ZNF721: variants seen among roughly 807,000 people sequenced by gnomAD.
ZNF721 encodes zinc finger protein 721.
In ZNF721, 2 loss-of-function variants were observed where a neutral mutation model predicts 2.4. The ratio of observed to expected loss-of-function variants is 0.82; its 90% CI spans 0.34 to 2.58. The LOEUF is 2.58. ZNF721 is among the 30% of genes most tolerant of loss of function. The pLI is 0.11. For synonymous variants in ZNF721, 398 were observed against 381.8 expected (o/e 1.04, Z -0.50); for missense variants, 1,187 against 1,085.5 (o/e 1.09, Z -1.31).
At chr4:446,885 T>A (rs1714493602) in intron 2 of ZNF721, among the ~76,000 whole-genome samples, 1 of 151,346 alleles carries the variant, frequency 6.6e-6, no homozygotes, top group African/African-American at 2.4e-5. Flanking sequence ...AAGATGGGGT[T>A]TCAACATGTT....
chr4:441,221 C>T lies in ZNF721; in HGVS notation c.*474G>A, dbSNP rs529362910. 197 of 156,502 alleles carry T rather than the reference C, an allele frequency of 1.3e-3. 2 individuals carry two copies. The highest frequency in any genetic ancestry group is 3.7e-3 in the Admixed American group (59 of 16,008). The allele number at this position is 156,502 out of a possible 1,614,324, so 9.7% of individuals were successfully genotyped here. On this transcript the variant is annotated 3_prime_UTR_variant, in exon 3 of 3. Coordinates refer to ENST00000511833, the MANE Select transcript of ZNF721 (RefSeq NM_133474.4). The stretch of plus-strand genomic sequence containing the variant: ...CTATATTTTCTAAAAGGTCTTTCAA[C>T]AGAAATTACATTTATAATGCTTTTA...
rs186091133 is a variant in ZNF721, at chr4:442,244, G to A, written c.2223C>T (p.Asn741=). 2.6e-4 allele frequency: 422 copies of A among 1,612,614 alleles called. No homozygotes were observed. In the African/African-American group the frequency reaches 3.4e-3, roughly 13 times the overall value. The change falls in exon 3 of 3, where the codon AAC becomes AAT. Residue 741 remains asparagine, a synonymous_variant. Transcript: ENST00000511833. ...GRSFGWSTNL[N]EYKKIHTGDK... is the part of the protein sequence containing the mutation. ...CTCCAGTATGAATTTTCTTATATTC[G>A]TTCAGGTTTGTGGACCATCCAAAGG...
At chr4:479,879 G>A (rs1405512397) in intron 1 of ZNF721, among the ~76,000 whole-genome samples, 1 of 152,194 alleles carries the variant, frequency 6.6e-6, no homozygotes, top group African/African-American at 2.4e-5. Context: ...ATATCCATTT[G>A]GAAATCTATG....
intron 1 of ZNF721, among the ~76,000 whole-genome samples, chr4:482,224 C>T (rs537641340): frequency 2.0e-5 from 3 of 152,300 alleles, no homozygotes; most frequent in South Asian, 2.1e-4. Context: ...AGTGCAATGG[C>T]GCCATCCCGG....
chr4:492,250 A>T (rs555745060), intron 1 of ZNF721, among the ~76,000 whole-genome samples: 1 of 152,280 alleles, frequency 6.6e-6, no homozygotes, highest in African/African-American at 2.4e-5. Flanking sequence ...AACTGAATAG[A>T]AATTATTTCA....
intron 1 of ZNF721, among the ~76,000 whole-genome samples, chr4:475,145 T>C (rs960037327): frequency 2.0e-5 from 3 of 151,430 alleles, no homozygotes; most frequent in Non-Finnish European, 4.4e-5. Flanking sequence ...TGAGATGGCG[T>C]CACTGCTCTC....
intron 1 of ZNF721, among the ~76,000 whole-genome samples, chr4:494,747 T>C (rs1027241898): frequency 1.3e-5 from 2 of 152,104 alleles, no homozygotes; most frequent in Non-Finnish European, 1.5e-5. Context: ...AAATCTATCA[T>C]AGGATTGTAT....
intron 1 of ZNF721, among the ~76,000 whole-genome samples, chr4:487,050 T>C (rs1413808845): frequency 2.6e-5 from 4 of 152,248 alleles, no homozygotes; most frequent in Non-Finnish European, 2.9e-5. Flanking sequence ...CCCAGCCAGC[T>C]GCTTAGTAGC....
chr4:467,697 C>T (rs1477014425), intron 2 of ZNF721, among the ~76,000 whole-genome samples: 2 of 152,234 alleles, frequency 1.3e-5, no homozygotes, highest in Non-Finnish European at 2.9e-5. Flanking sequence ...GGAAGACACA[C>T]CCAGCCATGA....
intron 1 of ZNF721, among the ~76,000 whole-genome samples, chr4:476,475 A>C (rs1178982553): frequency 6.6e-6 from 1 of 152,234 alleles, no homozygotes; most frequent in East Asian, 1.9e-4. Flanking sequence ...GGACCAGAAC[A>C]AACATTCTGG....
At chr4:446,397 T>C (rs77626440) in intron 2 of ZNF721, among the ~76,000 whole-genome samples, 1 of 151,162 alleles carries the variant, frequency 6.6e-6, no homozygotes, top group African/African-American at 2.4e-5. Flanking sequence ...TTTTTTTTTT[T>C]TGAGACAGAG....
chr4:473,401 T>C (rs1715500594), intron 1 of ZNF721, among the ~76,000 whole-genome samples: 1 of 151,970 alleles, frequency 6.6e-6, no homozygotes, highest in African/African-American at 2.4e-5. Context: ...AGACCACCAA[T>C]CATCATCCTG....
chr4:486,580 G>C (rs1165359009), intron 1 of ZNF721, among the ~76,000 whole-genome samples: 3 of 151,860 alleles, frequency 2.0e-5, no homozygotes, highest in African/African-American at 7.3e-5. Flanking sequence ...AATTGCACTG[G>C]GAAAAAAAAG....
In ZNF721 at chr4:442,114, C is replaced by G. The variant is rs201461396; in HGVS notation, c.2353G>C (p.Glu785Gln). ...GATGACGTAATGACTTTGCCACATT[C>G]CTTACATTTGTAGGGTTTCTTTCCA... is the stretch of plus-strand genomic sequence containing the variant. ...HTGKKPYKCK[E>Q]CGKVITSSSS... The change falls in exon 3 of 3, where the codon GAA becomes CAA. Residue 785 changes from glutamate (E) to glutamine (Q), a missense_variant. By Grantham distance (29) the Glu-to-Gln change is conservative. Transcript: ENST00000511833. The G allele has an allele frequency of 4.9e-5, 79 of 1,613,794 alleles. No homozygotes were observed. In the East Asian group the frequency reaches 1.1e-3, roughly 22 times the overall value.
chr4:456,050 T>TTTTATTTATTTATTTATTTA (rs59869428), intron 2 of ZNF721, among the ~76,000 whole-genome samples: 51 of 144,406 alleles, frequency 3.5e-4, no homozygotes, highest in African/African-American at 1.1e-3. Context: ...CCAAAAAAAT[T>TTTTATTTATTTATTTATTTA]TTTATTTATT....
intron 1 of ZNF721, among the ~76,000 whole-genome samples, chr4:484,684 A>G (rs1454172713): frequency 1.3e-5 from 2 of 152,176 alleles, no homozygotes; most frequent in African/African-American, 4.8e-5. Context: ...CACCTAATAA[A>G]TTTTGGTCAG....
At position 440,289 on chromosome 4, in the gene ZNF721, A is replaced by G. The variant is rs1384940905; in HGVS notation, c.*1406T>C. The G allele has an allele frequency of 6.6e-6, 1 of 152,212 alleles. No individual in the cohort carries two copies. The highest frequency in any genetic ancestry group is 1.5e-5 in the Non-Finnish European group (1 of 68,044). 9.4% of individuals were successfully genotyped at this position (152,212 alleles called of 1,614,324 possible). On this transcript the variant is annotated 3_prime_UTR_variant, in exon 3 of 3. Coordinates refer to ENST00000511833, the MANE Select transcript of ZNF721 (RefSeq NM_133474.4). ...GAATAATGCCCACCTAATGCAAAGG[A>G]GTTTCTCATATCTCTGACGCAGCAA...
chr4:494,958 CGGCTCACTGCAAGCTCCG>C, intron 1 of ZNF721, among the ~76,000 whole-genome samples: 1 of 149,606 alleles, frequency 6.7e-6, no homozygotes, highest in East Asian at 2.0e-4. Context: ...GGCGCCATCT[CGGCTCACTGCAAGCTCCG>C]GGTTCACGCC....
chr4:447,771 ATATACT>A (rs1714523849), intron 2 of ZNF721, among the ~76,000 whole-genome samples: 4 of 152,064 alleles, frequency 2.6e-5, no homozygotes, highest in Admixed American at 2.0e-4. Flanking sequence ...ATTTCATAAA[ATATACT>A]TTAACTAAAA....
Sources: gnomAD v4.1 joint callset for allele counts (sites outside exome capture counted in the v4.1 genomes callset) on GRCh38, gnomAD v4.1.1 for gene constraint, MANE v1.5 for transcripts, NCBI Gene and HGNC (gene_info 2026-07-23, HGNC 2026-07-21) for gene names.